Variants in QRSL1 observed in about 807,000 individuals in gnomAD.
QRSL1 encodes the protein glutaminyl-tRNA amidotransferase subunit QRSL1.
In QRSL1, 54 loss-of-function variants were observed where a neutral mutation model predicts 61.6. That is an observed-to-expected ratio of 0.88 (90% CI 0.70 to 1.10). The LOEUF is 1.10. QRSL1 is among the 50% of genes least tolerant of loss of function. QRSL1 has a pLI of 0.00. For synonymous variants in QRSL1, 228 were observed against 225.7 expected (o/e 1.01, Z -0.09); for missense variants, 505 against 622.6 (o/e 0.81, Z 2.01).
intron 5 of QRSL1, among the ~76,000 whole-genome samples, chr6:106,650,152 A>G (rs1348500508): frequency 1.3e-5 from 2 of 152,168 alleles, no homozygotes; most frequent in Non-Finnish European, 2.9e-5. Flanking sequence ...CTGCAGGATT[A>G]GGTGCTTTTT....
chr6:106,645,061 G>A (rs903134077), intron 4 of QRSL1, among the ~76,000 whole-genome samples: 1 of 152,128 alleles, frequency 6.6e-6, no homozygotes, highest in Non-Finnish European at 1.5e-5. Context: ...CAGTAGGTCT[G>A]TTTCTGGACT....
chr6:106,646,795 G>A (rs935507078), intron 4 of QRSL1, among the ~76,000 whole-genome samples: 5 of 151,864 alleles, frequency 3.3e-5, no homozygotes, highest in South Asian at 4.1e-4. Flanking sequence ...TTGGGAGGCC[G>A]AGGCAGGTGG....
intron 1 of QRSL1, 71 bp from the exon 2 acceptor site, chr6:106,640,278 C>G: frequency 3.6e-6 from 5 of 1,384,504 alleles, no homozygotes; most frequent in South Asian, 1.2e-5. Context: ...CATCTCCCCC[C>G]ACCCCCACCA....
chr6:106,640,657 G>A, intron 2 of QRSL1, 149 bp downstream of exon 2: 3 of 964,874 alleles, frequency 3.1e-6, no homozygotes, highest in Non-Finnish European at 4.6e-6. Context: ...TGAGGGTAAT[G>A]GCTATGTGAT....
intron 1 of QRSL1, among the ~76,000 whole-genome samples, chr6:106,635,539 C>T (rs1403948336): frequency 1.3e-5 from 2 of 152,152 alleles, no homozygotes; most frequent in Non-Finnish European, 2.9e-5. Context: ...CAAGAGCTCT[C>T]CTGTACCTTC....
chr6:106,658,689 T>C (rs890010559), intron 9 of QRSL1, among the ~76,000 whole-genome samples: 5 of 152,254 alleles, frequency 3.3e-5, no homozygotes, highest in Non-Finnish European at 7.3e-5. Flanking sequence ...TGTATCTTTT[T>C]TTCCTCTGAT....
chr6:106,652,742 A>G (rs548059416), intron 7 of QRSL1, 160 bp downstream of exon 7: 3 of 1,528,702 alleles, frequency 2.0e-6, no homozygotes, highest in East Asian at 2.5e-5. Flanking sequence ...CAATTTCCCC[A>G]TCTGTAAAAT....
chr6:106,637,926 C>G (rs944966789), intron 1 of QRSL1, among the ~76,000 whole-genome samples: 2 of 152,108 alleles, frequency 1.3e-5, no homozygotes, highest in Admixed American at 6.6e-5. Context: ...TAAAAATGGT[C>G]TTAATGCAAA....
chr6:106,648,805 C>T (rs1022321206), intron 4 of QRSL1, among the ~76,000 whole-genome samples: 3 of 152,166 alleles, frequency 2.0e-5, no homozygotes, highest in Non-Finnish European at 4.4e-5. Context: ...AGCAGATTAG[C>T]TTTGTCTATT....
chr6:106,630,380 CTT>C (rs3040692), intron 1 of QRSL1, among the ~76,000 whole-genome samples: 9,809 of 152,276 alleles, frequency 0.064, 353 homozygotes, highest in Middle Eastern at 0.085. Context: ...TTAATAGACT[CTT>C]TTTAATGGCA....
At chr6:106,648,872 A>G (rs1777152861) in intron 4 of QRSL1, among the ~76,000 whole-genome samples, 153 bp from the exon 5 acceptor site, 3 of 152,232 alleles carry the variant, frequency 2.0e-5, no homozygotes. Flanking sequence ...AATGAAAGCT[A>G]CATCTGAACA....
At chr6:106,648,893 C>G (rs1229687421) in intron 4 of QRSL1, 132 bp from the exon 5 acceptor site, 1 of 855,450 alleles carries the variant, frequency 1.2e-6, no homozygotes, top group Non-Finnish European at 1.7e-6. Flanking sequence ...GGCTTCCCAC[C>G]TTTTTCAATT....
chr6:106,657,706 GTTTA>G lies in QRSL1; in HGVS notation c.1160+1986_1160+1989del, dbSNP rs534853927. Among the ~76,000 whole-genome samples the G allele has an allele frequency of 1.6e-3, 245 of 152,108 alleles. 1 individual carries two copies. The highest frequency in any genetic ancestry group is 5.2e-3 in the African/African-American group (215 of 41,510). ...AAAGTCAACTTATGTGCCAGGAAGA[GTTTA>G]TTTATTTATTTTTGAGACAGAGTCT... On this transcript the variant is annotated intron_variant, in intron 9 of 10. Transcript: ENST00000369046.
rs1356033696 is a variant in QRSL1 at position 106,629,613 on chromosome 6, C to G, written c.-69C>G. The stretch of plus-strand genomic sequence containing the variant: ...AAAGATGGCTGCGCCCATGTAACAT[C>G]ACTAGCGACCGGTGACCTCTTTTTC... On this transcript the variant is annotated 5_prime_UTR_variant, in exon 1 of 11. It adds an upstream start codon to the 5' untranslated region. Transcript: ENST00000369046. 3.9e-6 allele frequency: 6 copies of G among 1,550,032 alleles called. No homozygotes were observed. The highest frequency in any genetic ancestry group is 3.7e-4 in the Middle Eastern group (2 of 5,466).
rs149249686 is a variant in QRSL1, at chr6:106,632,008, A to G, written c.24+2303A>G. 3.3e-3 allele frequency among the ~76,000 whole-genome samples: 509 copies of G among 152,200 alleles called. 5 individuals are homozygous for G. Among genetic ancestry groups the G allele is most frequent in the African/African-American group, 0.011 (477 of 41,512 alleles). On this transcript the variant is annotated intron_variant, in intron 1 of 10. Transcript: ENST00000369046. ...GTAACCATCATTCTACTCTACCTCC[A>G]CGAGGTCAATTGTTTTCATTTTTAG...
intron 1 of QRSL1, among the ~76,000 whole-genome samples, chr6:106,630,402 T>G (rs1776797663): frequency 6.6e-6 from 1 of 152,254 alleles, no homozygotes; most frequent in African/African-American, 2.4e-5. Flanking sequence ...ACAACTATTA[T>G]CTCATTTGCC....
chr6:106,649,834 C>T (rs1325067487), intron 5 of QRSL1, among the ~76,000 whole-genome samples: 1 of 152,030 alleles, frequency 6.6e-6, no homozygotes, highest in African/African-American at 2.4e-5. Flanking sequence ...TTCTTAACTA[C>T]CCAAAGAAAA....
At chr6:106,639,735 C>T (rs776202438) in intron 1 of QRSL1, among the ~76,000 whole-genome samples, 1 of 152,150 alleles carries the variant, frequency 6.6e-6, no homozygotes, top group Admixed American at 6.5e-5. Flanking sequence ...ACTTCCCAGT[C>T]ACTTTCGGTG....
chr6:106,639,115 T>C (rs1173341964), intron 1 of QRSL1, among the ~76,000 whole-genome samples: 1 of 70,412 alleles, frequency 1.4e-5, no homozygotes, highest in Non-Finnish European at 3.0e-5. Context: ...TTGTGTGTTT[T>C]GTTGTTTTTT....
Sources: allele counts gnomAD v4.1 joint callset (sites outside exome capture counted in the v4.1 genomes callset), GRCh38; gene constraint gnomAD v4.1.1; transcripts MANE v1.5; gene names NCBI Gene and HGNC (gene_info 2026-07-23, HGNC 2026-07-21).